SLC22A23: variants seen among roughly 807,000 people sequenced by gnomAD.
The protein encoded by SLC22A23 is ion transporter protein.
In SLC22A23, 26 loss-of-function variants were observed where a neutral mutation model predicts 61.0. The observed-to-expected ratio is 0.43, with a 90% CI of 0.31 to 0.59. SLC22A23 has a LOEUF of 0.59. SLC22A23 is among the 20% of genes least tolerant of loss of function. The probability of loss-of-function intolerance (pLI) is 0.11; values close to 1 mark genes in which losing one functional copy is unlikely to be tolerated. For synonymous variants in SLC22A23, 430 were observed against 413.9 expected, an observed-to-expected ratio of 1.04 and a Z score of -0.47; for missense variants, 796 against 934.7, an observed-to-expected ratio of 0.85 and a Z score of 1.94.
intron 1 of SLC22A23, among the ~76,000 whole-genome samples, chr6:3,422,095 GAT>G (rs1223963047): frequency 1.3e-5 from 2 of 152,156 alleles, no homozygotes; most frequent in Non-Finnish European, 2.9e-5. Context: ...TGTCAGTTGA[GAT>G]AAAAGAAAAT....
At chr6:3,452,832 T>C (rs1355739122) in intron 1 of SLC22A23, among the ~76,000 whole-genome samples, 1 of 151,980 alleles carries the variant, frequency 6.6e-6, no homozygotes, top group Non-Finnish European at 1.5e-5. Context: ...AATAAAAAGA[T>C]CCTAACGGGA....
chr6:3,285,256 G>C, intron 7 of SLC22A23, 145 bp from the exon 8 acceptor site: 3 of 1,125,854 alleles, frequency 2.7e-6, no homozygotes, highest in African/African-American at 1.5e-5. Context: ...CTGGGATGGC[G>C]CTGGCCGCCG....
At chr6:3,287,127 C>T (rs754223734) in intron 6 of SLC22A23, 36 bp from the exon 7 acceptor site, 1 of 1,598,684 alleles carries the variant, frequency 6.3e-7, no homozygotes, top group Non-Finnish European at 8.5e-7. Flanking sequence ...GGGTGGGCTG[C>T]CCCCATGCCA....
intron 3 of SLC22A23, among the ~76,000 whole-genome samples, chr6:3,334,436 C>T (rs1297682190): frequency 2.0e-5 from 3 of 152,158 alleles, no homozygotes; most frequent in Non-Finnish European, 4.4e-5. Context: ...GCTGGGATCA[C>T]AGGCATGAGC....
chr6:3,298,256 A>G (rs769703296), intron 4 of SLC22A23, 38 bp from the exon 5 acceptor site: 3 of 1,570,248 alleles, frequency 1.9e-6, no homozygotes, highest in Non-Finnish European at 8.6e-7. Flanking sequence ...ATGTCTTCCG[A>G]TTCTGCACGG....
chr6:3,359,715 G>C (rs1765319935), intron 3 of SLC22A23, among the ~76,000 whole-genome samples: 1 of 152,176 alleles, frequency 6.6e-6, no homozygotes, highest in Non-Finnish European at 1.5e-5. Flanking sequence ...CCCCCCAAAA[G>C]TGAAAGCAAG....
chr6:3,417,712 C>T (rs561661840), intron 1 of SLC22A23, among the ~76,000 whole-genome samples: 21 of 152,326 alleles, frequency 1.4e-4, no homozygotes, highest in African/African-American at 5.1e-4. Context: ...CTGGCCAACA[C>T]TGCCCTGCCA....
At position 3,338,803 on chromosome 6, in the gene SLC22A23, C is replaced by T. The variant is rs1264665806; in HGVS notation, c.914-14801G>A. Among the ~76,000 whole-genome samples, 3 of 152,222 alleles carry T rather than the reference C, an allele frequency of 2.0e-5. No homozygotes were observed. In the East Asian group the frequency reaches 5.8e-4, roughly 29 times the overall value. The stretch of plus-strand genomic sequence containing the variant: ...GCCTATACAGAATTAAACGTGGCAG[C>T]ACTGAGTTTAATTATGTAAGATGAT... On this transcript the variant is annotated intron_variant, in intron 3 of 9. Coordinates refer to ENST00000406686, the MANE Select transcript of SLC22A23 (RefSeq NM_015482.2).
At position 3,287,026 on chromosome 6, in the gene SLC22A23, G is replaced by T; in HGVS notation, c.1379C>A (p.Pro460Gln). The change falls in exon 7 of 10, where the codon CCG (proline) becomes CAG (glutamine). Residue 460 changes from proline to glutamine, a missense_variant. Coordinates refer to ENST00000406686, the MANE Select transcript of SLC22A23 (RefSeq NM_015482.2). ...RSMMGHEVKV[P>Q]LLENFYADYY... ...GTCAGCATAGAAGTTCTCCAGGAGC[G>T]GCACCTTCACCTCGTGGCCCATCAT... 6.2e-7 allele frequency: 1 copy of T among 1,614,202 alleles called. No individual in the cohort carries two copies. The highest frequency in any genetic ancestry group is 1.1e-5 in the South Asian group (1 of 91,084).
At chr6:3,420,792 T>A (rs1770073138) in intron 1 of SLC22A23, among the ~76,000 whole-genome samples, 1 of 152,166 alleles carries the variant, frequency 6.6e-6, no homozygotes, top group African/African-American at 2.4e-5. Flanking sequence ...AGTTAAACAC[T>A]TGGGAAATGT....
rs780818993 is a variant in SLC22A23 at position 3,386,386 on chromosome 6, C to T, written c.913+23802G>A. Reference sequence around the variant, plus strand: ...GGAGAGCACGCTTGCTCTGTGTACGCCACACGCACAACCAGCCCTGGGGTC... The same window carrying T: ...GGAGAGCACGCTTGCTCTGTGTACGTCACACGCACAACCAGCCCTGGGGTC... On this transcript the variant is annotated intron_variant, in intron 3 of 9. Transcript: ENST00000406686. This position sits in a 1 kb window ranked among gnomAD's most constrained non-coding sequence, Gnocchi z 4.4. Among the ~76,000 whole-genome samples the T allele has an allele frequency of 3.3e-5, 5 of 152,186 alleles. No individual in the cohort carries two copies. The highest frequency in any genetic ancestry group is 7.3e-5 in the Non-Finnish European group (5 of 68,040).
rs939245644 is a variant in SLC22A23 at position 3,304,900 on chromosome 6, T to C, written c.1083-6682A>G. On this transcript the variant is annotated intron_variant, in intron 4 of 9. Coordinates refer to ENST00000406686, the MANE Select transcript of SLC22A23 (RefSeq NM_015482.2). This position sits in a 1 kb window ranked among gnomAD's most constrained non-coding sequence, Gnocchi z 4.3. ...AGAAGACGCAGGGAGAGGAGAGGGA[T>C]GCAGGGCCCAGGGAGTGGAAGATCC... 1.3e-5 allele frequency among the ~76,000 whole-genome samples: 2 copies of C among 151,936 alleles called. No individual in the cohort carries two copies. Among genetic ancestry groups the C allele is most frequent in the African/African-American group, 4.8e-5 (2 of 41,350 alleles).
rs1440948045 is a variant in SLC22A23 at position 3,372,088 on chromosome 6, C to A, written c.913+38100G>T. Among the ~76,000 whole-genome samples the A allele has an allele frequency of 6.6e-6, 1 of 152,204 alleles. No individual in the cohort carries two copies. Among genetic ancestry groups the A allele is most frequent in the African/African-American group, 2.4e-5 (1 of 41,448 alleles). On this transcript the variant is annotated intron_variant, in intron 3 of 9. Coordinates refer to ENST00000406686, the MANE Select transcript of SLC22A23 (RefSeq NM_015482.2). This position sits in a 1 kb window ranked among gnomAD's most constrained non-coding sequence, Gnocchi z 4.7. ...ACTGAGGAACAGTTCCTAGCCCATG[C>A]TTAAACAGCTAGAAGCATCCGTGCT...
intron 4 of SLC22A23, chr6:3,323,478 C>T: frequency 2.4e-6 from 1 of 411,204 alleles, no homozygotes; most frequent in South Asian, 2.0e-5. Flanking sequence ...CCAAATCCCC[C>T]CTCCTAACAC....
chr6:3,341,255 A>G (rs1358117913), intron 3 of SLC22A23, among the ~76,000 whole-genome samples: 1 of 152,240 alleles, frequency 6.6e-6, no homozygotes, highest in African/African-American at 2.4e-5. Context: ...AATGTTAAAT[A>G]TGAAGGATTG....
In SLC22A23 at chr6:3,390,547, G is replaced by A. The variant is rs1426692262; in HGVS notation, c.913+19641C>T. Among the ~76,000 whole-genome samples the A allele has an allele frequency of 1.3e-5, 2 of 152,120 alleles. No individual in the cohort carries two copies. The highest frequency in any genetic ancestry group is 2.4e-5 in the African/African-American group (1 of 41,406). On this transcript the variant is annotated intron_variant, in intron 3 of 9. Transcript: ENST00000406686. The surrounding 1 kb of genome is among the most constrained non-coding windows in gnomAD (Gnocchi z 4.0). Reference sequence around the variant, plus strand: ...GGAGTGAACTCTAGTGCTCCCCGGGGCCTAGAGTTCTGAGGTACACTTCGG... The same window carrying A: ...GGAGTGAACTCTAGTGCTCCCCGGGACCTAGAGTTCTGAGGTACACTTCGG...
intron 3 of SLC22A23, among the ~76,000 whole-genome samples, chr6:3,407,370 C>T (rs572188807): frequency 6.6e-6 from 1 of 152,340 alleles, no homozygotes; most frequent in African/African-American, 2.4e-5. Flanking sequence ...CTGGGAGTTG[C>T]TGTCTTAACT....
intron 2 of SLC22A23, among the ~76,000 whole-genome samples, chr6:3,413,577 T>C (rs949584889): frequency 6.6e-6 from 1 of 152,196 alleles, no homozygotes; most frequent in Non-Finnish European, 1.5e-5. Flanking sequence ...TCTATACCAA[T>C]ACCCAGTGAA....
chr6:3,448,283 AC>A (rs1003057028), intron 1 of SLC22A23, among the ~76,000 whole-genome samples: 21 of 152,070 alleles, frequency 1.4e-4, no homozygotes, highest in African/African-American at 5.1e-4. Flanking sequence ...AAGAAAAAAA[AC>A]CCTGATCTCC....
Sources: allele counts gnomAD v4.1 joint callset (sites outside exome capture counted in the v4.1 genomes callset), GRCh38; gene constraint gnomAD v4.1.1; non-coding constraint Gnocchi (gnomAD v3.1); transcripts MANE v1.5; gene names NCBI Gene and HGNC (gene_info 2026-07-23, HGNC 2026-07-21).